The following TCF25 variants were observed in gnomAD, a reference collection of about 807,000 sequenced individuals.
TCF25 encodes the protein ribosome quality control complex subunit TCF25.
In TCF25, 41 loss-of-function variants were observed where a neutral mutation model predicts 83.1. The ratio of observed to expected loss-of-function variants is 0.49; its 90% CI spans 0.38 to 0.64. The LOEUF (loss-of-function observed/expected upper bound fraction) is 0.64, where lower values mean the gene tolerates loss of function less well. TCF25 is among the 30% of genes least tolerant of loss of function. The pLI is 0.00. For synonymous variants in TCF25, 458 were observed against 365.0 expected, an observed-to-expected ratio of 1.25 and a Z score of -2.90; for missense variants, 979 against 914.5, an observed-to-expected ratio of 1.07 and a Z score of -0.91.
chr16:89,884,125 C>A, intron 2 of TCF25: 1 of 173,918 alleles, frequency 5.7e-6, no homozygotes, highest in Non-Finnish European at 1.3e-5. Flanking sequence ...TGTGAAGTGA[C>A]AGGTGGGTCC....
chr16:89,883,806 G>GACCGCGCACGTGTGTGCCTCCTAGCCA (rs2042780422), intron 2 of TCF25: 1 of 302,758 alleles, frequency 3.3e-6, no homozygotes, highest in African/African-American at 3.3e-5. Flanking sequence ...CCTCCTAGCC[G>GACCGCGCACGTGTGTGCCTCCTAGCCA]ACCGCGCACG....
At chr16:89,901,018 C>G in intron 12 of TCF25, 1 of 467,418 alleles carries the variant, frequency 2.1e-6, no homozygotes, top group South Asian at 4.1e-5. Flanking sequence ...GCAGGCATCC[C>G]GACCCCCGTG....
chr16:89,911,061 A>G lies in TCF25; in HGVS notation c.1873-19A>G. On this transcript the variant is annotated intron_variant, in intron 17 of 17. Transcript: ENST00000263346. ...CCAGCACAGACAGCCCCCTTCTCAGACATGTCCCCTTGCTGCAGGGGGAGA... is the reference window on the plus strand; with the variant it reads ...CCAGCACAGACAGCCCCCTTCTCAGGCATGTCCCCTTGCTGCAGGGGGAGA... 1 of 1,610,270 alleles carries G rather than the reference A, an allele frequency of 6.2e-7. No homozygotes were observed. The highest frequency in any genetic ancestry group is 8.5e-7 in the Non-Finnish European group (1 of 1,179,492).
intron 12 of TCF25, among the ~76,000 whole-genome samples, chr16:89,903,199 C>G (rs1050380377): frequency 4.6e-5 from 7 of 152,238 alleles, no homozygotes; most frequent in African/African-American, 1.7e-4. Context: ...GGCAGGTGGG[C>G]TGCCAAGAAG....
chr16:89,885,808 T>C (rs759446563), intron 3 of TCF25, 40 bp from the exon 4 acceptor site: 11 of 1,450,044 alleles, frequency 7.6e-6, no homozygotes, highest in Admixed American at 1.7e-5. Context: ...TTTAAAATAA[T>C]GTCAGTGTGG....
At chr16:89,905,942 G>A (rs533222665) in intron 14 of TCF25, among the ~76,000 whole-genome samples, 2 of 152,300 alleles carry the variant, frequency 1.3e-5, no homozygotes, top group South Asian at 2.1e-4. Context: ...GGCTCTCATC[G>A]TTCTTGTTCT....
At chr16:89,910,982 A>G in intron 17 of TCF25, 98 bp from the exon 18 acceptor site, 1 of 1,521,406 alleles carries the variant, frequency 6.6e-7, no homozygotes, top group Non-Finnish European at 8.9e-7. Context: ...GTGCTGGGGC[A>G]AGGGCCACCT....
intron 6 of TCF25, among the ~76,000 whole-genome samples, chr16:89,893,093 A>C (rs958991185): frequency 6.6e-6 from 1 of 152,222 alleles, no homozygotes; most frequent in Admixed American, 6.5e-5. Context: ...CAGGGGTTCC[A>C]TGGCCATGTA....
At chr16:89,889,858 T>G (rs2043292845) in intron 5 of TCF25, 1 of 151,122 alleles carries the variant, frequency 6.6e-6, no homozygotes, top group Admixed American at 6.6e-5. Context: ...TCTGCACGTC[T>G]GAGTTCTAAG....
At chr16:89,885,284 G>A (rs921378136) in intron 3 of TCF25, among the ~76,000 whole-genome samples, 3 of 152,112 alleles carry the variant, frequency 2.0e-5, no homozygotes, top group East Asian at 1.9e-4. Context: ...CTTGTTCCTC[G>A]ACTGGTTGGC....
chr16:89,895,200 A>G (rs2144138970), intron 8 of TCF25, 63 bp downstream of exon 8: 1 of 1,468,006 alleles, frequency 6.8e-7, no homozygotes, highest in Middle Eastern at 1.7e-4. Context: ...ATCAAGACAG[A>G]TGCGATGGTG....
intron 1 of TCF25, among the ~76,000 whole-genome samples, chr16:89,874,339 T>G (rs1597238009): frequency 2.0e-5 from 1 of 48,948 alleles, no homozygotes; most frequent in Non-Finnish European, 4.1e-5. Flanking sequence ...GGCGATGGCG[T>G]GGGCGGGGTT....
At chr16:89,876,935 A>G (rs2042237633) in intron 1 of TCF25, among the ~76,000 whole-genome samples, 1 of 147,416 alleles carries the variant, frequency 6.8e-6, no homozygotes, top group Non-Finnish European at 1.5e-5. Flanking sequence ...TCTAAAAAAA[A>G]AAAAAAAAAA....
chr16:89,875,513 GTTTTTTTTTT>G (rs1193815042), intron 1 of TCF25, among the ~76,000 whole-genome samples: 1 of 65,952 alleles, frequency 1.5e-5, no homozygotes, highest in Non-Finnish European at 2.6e-5. Flanking sequence ...CCTGACGTGA[GTTTTTTTTTT>G]TTTTTTTTTT....
At chr16:89,897,166 C>T (rs544098436) in intron 9 of TCF25, among the ~76,000 whole-genome samples, 2 of 152,244 alleles carry the variant, frequency 1.3e-5, no homozygotes, top group Non-Finnish European at 2.9e-5. Context: ...GAAGGCTTTG[C>T]AGGTTTGACC....
At chr16:89,895,257 T>TA (rs896730343) in intron 8 of TCF25, 120 bp downstream of exon 8, 28 of 882,414 alleles carry the variant, frequency 3.2e-5, no homozygotes, top group Non-Finnish European at 2.1e-5. Flanking sequence ...TTTATTGAGA[T>TA]ACAACCTACG....
intron 12 of TCF25, among the ~76,000 whole-genome samples, chr16:89,903,687 AT>A (rs2044535745): frequency 6.6e-6 from 1 of 152,060 alleles, no homozygotes; most frequent in South Asian, 2.1e-4. Context: ...TGCGCCTGTG[AT>A]CCCAGCTACT....
intron 1 of TCF25, among the ~76,000 whole-genome samples, chr16:89,877,719 G>A (rs1392305961): frequency 6.6e-6 from 1 of 152,236 alleles, no homozygotes; most frequent in Non-Finnish European, 1.5e-5. Context: ...CTCAAAAGAC[G>A]AGTTGGCAAA....
intron 13 of TCF25, 175 bp from the exon 14 acceptor site, chr16:89,904,763 A>G (rs1314650186): frequency 1.4e-5 from 11 of 763,314 alleles, no homozygotes; most frequent in Non-Finnish European, 2.0e-5. Context: ...CTCACGGCAC[A>G]TACCTGTGTG....
Sources: allele counts gnomAD v4.1 joint callset (sites outside exome capture counted in the v4.1 genomes callset), GRCh38; gene constraint gnomAD v4.1.1; transcripts MANE v1.5; gene names NCBI Gene and HGNC (gene_info 2026-07-23, HGNC 2026-07-21).